The following MTR variants were observed in gnomAD, a reference collection of about 807,000 sequenced individuals.
The protein encoded by MTR is methionine synthase.
Under a neutral mutation model 154.8 loss-of-function variants are expected in MTR, and 84 were observed. The observed-to-expected ratio is 0.54, with a 90% confidence interval of 0.45 to 0.65. MTR has a LOEUF of 0.65. Ranked by LOEUF, MTR falls within the 30% of genes least tolerant of loss-of-function variation. MTR has a pLI of 0.00. For missense variants in MTR, 1,275 were observed against 1,570.2 expected, an observed-to-expected ratio of 0.81 and a Z score of 3.18; for synonymous variants, 554 against 553.9, an observed-to-expected ratio of 1.00 and a Z score of 0.00.
chr1:236,873,623 T>C, intron 22 of MTR, 150 bp from the exon 23 acceptor site: 1 of 705,838 alleles, frequency 1.4e-6, no homozygotes. Flanking sequence ...ATGGTAGTTG[T>C]GGTGGTAATC....
At chr1:236,801,408 C>G (rs968782895) in intron 1 of MTR, among the ~76,000 whole-genome samples, 1 of 152,144 alleles carries the variant, frequency 6.6e-6, no homozygotes, top group Non-Finnish European at 1.5e-5. Context: ...CTTCCTGAAG[C>G]CCACTTGGAG....
intron 8 of MTR, chr1:236,820,617 A>G: frequency 5.4e-6 from 3 of 550,706 alleles, no homozygotes; most frequent in Admixed American, 3.1e-5. Context: ...TTCCGTAAAC[A>G]TTCATGGCAG....
intron 21 of MTR, among the ~76,000 whole-genome samples, chr1:236,862,770 C>T (rs1664619986): frequency 6.6e-6 from 1 of 152,180 alleles, no homozygotes; most frequent in Non-Finnish European, 1.5e-5. Flanking sequence ...ATGTCCTTGG[C>T]ACCACTTCTG....
intron 29 of MTR, 55 bp from the exon 30 acceptor site, chr1:236,894,302 C>A: frequency 6.5e-7 from 1 of 1,547,212 alleles, no homozygotes; most frequent in Middle Eastern, 1.7e-4. Flanking sequence ...GGTGTGCTGG[C>A]GCCACGTTCT....
intron 27 of MTR, among the ~76,000 whole-genome samples, chr1:236,888,360 A>T (rs1228248286): frequency 6.6e-6 from 1 of 152,234 alleles, no homozygotes; most frequent in African/African-American, 2.4e-5. Flanking sequence ...TACCTGCCCC[A>T]GAAAGCCCAG....
At chr1:236,885,315 G>A in intron 26 of MTR, 96 bp downstream of exon 26, 2 of 804,416 alleles carry the variant, frequency 2.5e-6, no homozygotes, top group Admixed American at 2.0e-5. Context: ...TTTGAGGAGT[G>A]TAAAAGGCTT....
chr1:236,803,678 T>G (rs781738794), intron 2 of MTR, 36 bp downstream of exon 2: 1 of 1,590,942 alleles, frequency 6.3e-7, no homozygotes, highest in Non-Finnish European at 8.6e-7. Context: ...GTATTCATTC[T>G]GTTATTCTGC....
chr1:236,880,624 T>C (rs765599080), intron 24 of MTR, 131 bp from the exon 25 acceptor site: 1 of 789,622 alleles, frequency 1.3e-6, no homozygotes, highest in Non-Finnish European at 2.2e-6. Context: ...TCAGTATTTG[T>C]AGGTAAGCAC....
chr1:236,877,357 G>T (rs976540888), intron 24 of MTR, among the ~76,000 whole-genome samples: 1 of 152,190 alleles, frequency 6.6e-6, no homozygotes, highest in African/African-American at 2.4e-5. Context: ...ACCACCTCCA[G>T]ATCAAGAAAT....
rs190737424 is a variant in MTR, at chr1:236,804,156, G to A, written c.249+514G>A. On this transcript the variant is annotated intron_variant, in intron 2 of 32. Coordinates refer to ENST00000366577, the MANE Select transcript of MTR (RefSeq NM_000254.3). ...ATAGCTGTCTTTGTATCTACATGACGGAGAGCAGAGAGAGAACAAAAAACT... is the reference window on the plus strand; with the variant it reads ...ATAGCTGTCTTTGTATCTACATGACAGAGAGCAGAGAGAGAACAAAAAACT... Among the ~76,000 whole-genome samples, 69 of 152,266 alleles carry A rather than the reference G, an allele frequency of 4.5e-4. 1 individual carries two copies. Among genetic ancestry groups the A allele is most frequent in the Admixed American group, 2.6e-3 (39 of 15,294 alleles).
rs1184648630 is a variant in MTR, at chr1:236,826,864, A to C, written c.963A>C (p.Gly321=). 6.2e-7 allele frequency: 1 copy of C among 1,614,102 alleles called. No individual in the cohort carries two copies. Among genetic ancestry groups the C allele is most frequent in the Admixed American group, 1.7e-5 (1 of 60,020 alleles). ...TGGATGGCTTGGTCAATATAGTTGG[A>C]GGATGCTGTGGGTCAACACCAGATC... is the stretch of plus-strand genomic sequence containing the variant. The part of the protein sequence containing the change: ...FAMDGLVNIV[G]GCCGSTPDHI... The change falls in exon 11 of 33, where the codon GGA becomes GGC. Residue 321 remains glycine, a synonymous_variant. Transcript: ENST00000366577.
chr1:236,852,705 G>A (rs1221071840), intron 17 of MTR, 68 bp downstream of exon 17: 14 of 1,406,848 alleles, frequency 1.0e-5, no homozygotes, highest in Non-Finnish European at 1.4e-5. Flanking sequence ...TTCAAAGTGT[G>A]GCATGCAGGC....
At chr1:236,826,994 C>A in intron 11 of MTR, 98 bp downstream of exon 11, 1 of 1,136,240 alleles carries the variant, frequency 8.8e-7, no homozygotes, top group Non-Finnish European at 1.3e-6. Context: ...TGTGTCCTTC[C>A]AAAATTTGTA....
chr1:236,809,280 AGT>A (rs1000070785), intron 4 of MTR, among the ~76,000 whole-genome samples: 2 of 152,240 alleles, frequency 1.3e-5, no homozygotes, highest in Non-Finnish European at 2.9e-5. Flanking sequence ...CACACAAAAA[AGT>A]GTGGCATTAG....
intron 18 of MTR, among the ~76,000 whole-genome samples, chr1:236,855,723 T>G (rs1255403637): frequency 2.0e-5 from 3 of 152,298 alleles, no homozygotes; most frequent in South Asian, 2.1e-4. Flanking sequence ...CTCATTAGCT[T>G]TGTACACGTA....
At chr1:236,809,222 C>G (rs1359657056) in intron 4 of MTR, among the ~76,000 whole-genome samples, 1 of 152,190 alleles carries the variant, frequency 6.6e-6, no homozygotes, top group Non-Finnish European at 1.5e-5. Context: ...TATTGCCTTT[C>G]AAGCATTTTC....
intron 31 of MTR, among the ~76,000 whole-genome samples, chr1:236,896,422 C>T (rs1666626202): frequency 6.6e-6 from 1 of 152,212 alleles, no homozygotes; most frequent in Non-Finnish European, 1.5e-5. Flanking sequence ...CTGTTTCTGC[C>T]ATAAGCTAGC....
At position 236,903,268 on chromosome 1, in the gene MTR, T is replaced by C. The variant is rs1382341397; in HGVS notation, c.*5624T>C. On this transcript the variant is annotated 3_prime_UTR_variant, in exon 33 of 33. Coordinates refer to ENST00000366577, the MANE Select transcript of MTR (RefSeq NM_000254.3). ...GTTCTTTCTGCACTGTTTCAAATTT[T>C]TACAAGTGTATGTTATTGTACTTTT... The C allele has an allele frequency of 6.6e-6, 1 of 152,252 alleles. No individual in the cohort carries two copies. Among genetic ancestry groups the C allele is most frequent in the African/African-American group, 2.4e-5 (1 of 41,482 alleles). 9.4% of individuals were successfully genotyped at this position (152,252 alleles called of 1,614,324 possible).
intron 8 of MTR, among the ~76,000 whole-genome samples, chr1:236,821,491 A>G (rs1401842963): frequency 1.3e-5 from 2 of 152,216 alleles, no homozygotes; most frequent in Non-Finnish European, 2.9e-5. Context: ...TGTTTTGCAA[A>G]TATTTTCTCC....
Sources: allele counts gnomAD v4.1 joint callset (sites outside exome capture counted in the v4.1 genomes callset), GRCh38; gene constraint gnomAD v4.1.1; transcripts MANE v1.5; gene names NCBI Gene and HGNC (gene_info 2026-07-23, HGNC 2026-07-21).